BRWD1: variants seen among roughly 807,000 people sequenced by gnomAD.
The protein encoded by BRWD1 is bromodomain and WD repeat-containing protein 1.
BRWD1 carries 82 observed loss-of-function variants against 251.2 expected under a neutral mutation model. That is an observed-to-expected ratio of 0.33 (90% confidence interval 0.27 to 0.39). BRWD1 has a LOEUF of 0.39. Among genes scored for constraint, BRWD1 ranks in the 10% least tolerant of loss-of-function variants. The probability of loss-of-function intolerance (pLI) is 1.00; values close to 1 mark genes in which losing one functional copy is unlikely to be tolerated. For synonymous variants in BRWD1, 918 were observed against 902.8 expected (o/e 1.02, Z -0.30); for missense variants, 2,233 against 2,711.6 (o/e 0.82, Z 3.92).
In BRWD1 at chr21:39,218,646, C is replaced by T. The variant is rs763793311; in HGVS notation, c.3397G>A (p.Glu1133Lys). ...GTGACAGAAATACTAGCTCCTAATT[C>T]TTCAGGTGGATCAACTATGAATACC... ...PIPDNVDPPE[E>K]LGASISVTTD... The change falls in exon 30 of 41, where the codon GAA (glutamate) becomes AAA (lysine). Residue 1133 changes from glutamate (E) to lysine (K), a missense_variant. Transcript: ENST00000342449. 6.2e-7 allele frequency: 1 copy of T among 1,600,004 alleles called. No homozygotes were observed. Among genetic ancestry groups the T allele is most frequent in the South Asian group, 1.1e-5 (1 of 87,630 alleles).
chr21:39,214,131 T>A (rs2032784400), intron 32 of BRWD1, among the ~76,000 whole-genome samples: 1 of 151,948 alleles, frequency 6.6e-6, no homozygotes, highest in African/African-American at 2.4e-5. Context: ...TAGGACAGAA[T>A]CAAACCAAGA....
intron 37 of BRWD1, among the ~76,000 whole-genome samples, chr21:39,204,564 A>G (rs1004461016): frequency 2.6e-5 from 4 of 152,224 alleles, no homozygotes; most frequent in African/African-American, 9.6e-5. Flanking sequence ...GGTACATTGT[A>G]TCAAGGGTAC....
chr21:39,215,448 T>C (rs2032848249), intron 31 of BRWD1, 86 bp from the exon 32 acceptor site: 9 of 1,157,380 alleles, frequency 7.8e-6, no homozygotes, highest in African/African-American at 3.1e-5. Flanking sequence ...ATTAAACAAC[T>C]GTGAAATAAT....
At chr21:39,252,544 G>T (rs2034430683) in intron 19 of BRWD1, among the ~76,000 whole-genome samples, 3 of 152,082 alleles carry the variant, frequency 2.0e-5, no homozygotes, top group Admixed American at 2.0e-4. Context: ...TTCCACTATT[G>T]GAACTGTTGT....
At chr21:39,247,391 T>A (rs1272234793) in intron 21 of BRWD1, among the ~76,000 whole-genome samples, 1 of 152,188 alleles carries the variant, frequency 6.6e-6, no homozygotes, top group Non-Finnish European at 1.5e-5. Flanking sequence ...GCATGCCAAA[T>A]CCAAAAATCC....
chr21:39,250,207 T>C (rs1041438818), intron 20 of BRWD1, among the ~76,000 whole-genome samples: 3 of 152,078 alleles, frequency 2.0e-5, no homozygotes, highest in African/African-American at 7.2e-5. Context: ...GGCCCATTCT[T>C]GTTCGGATAA....
Position 39,194,618 on chromosome 21 carries a change from T to C in BRWD1, c.*1641A>G. ...CCCATGCATCAGAGTAGAAAGAAAA[T>C]GTACCTTCTACTATGTCAAATGGAA... On this transcript the variant is annotated 3_prime_UTR_variant, in exon 41 of 41. Coordinates refer to ENST00000342449, the MANE Select transcript of BRWD1 (RefSeq NM_033656.4). 6.6e-7 allele frequency: 1 copy of C among 1,518,000 alleles called. No homozygotes were observed. The allele number at this position is 1,518,000 out of a possible 1,614,324, so 94.0% of individuals were successfully genotyped here.
Position 39,191,023 on chromosome 21 carries a change from T to TA in BRWD1, c.*5235dup. On this transcript the variant is annotated 3_prime_UTR_variant, in exon 41 of 41. Transcript: ENST00000342449. Reference sequence around the variant, plus strand: ...ATTGCAATTTTTAATAAAAATCTCATAAAAGCCTTATTTTGAAATATGAAT... The same window carrying TA: ...ATTGCAATTTTTAATAAAAATCTCATAAAAAGCCTTATTTTGAAATATGAAT... 1.0e-6 allele frequency: 1 copy of TA among 985,276 alleles called. No individual in the cohort carries two copies. The highest frequency in any genetic ancestry group is 1.2e-6 in the Non-Finnish European group (1 of 829,806). 61.0% of individuals were successfully genotyped at this position (985,276 alleles called of 1,614,324 possible).
At chr21:39,309,754 G>A (rs112067794) in intron 4 of BRWD1, among the ~76,000 whole-genome samples, 2,913 of 151,224 alleles carry the variant, frequency 0.019, 52 homozygotes, top group Non-Finnish European at 0.03. Flanking sequence ...GAATCCGGGA[G>A]GCGGAGCTTG....
At chr21:39,260,291 T>A (rs921408556) in intron 17 of BRWD1, among the ~76,000 whole-genome samples, 1 of 151,276 alleles carries the variant, frequency 6.6e-6, no homozygotes, top group African/African-American at 2.4e-5. Context: ...CCTAAGGCTA[T>A]ATAACTTTTC....
Position 39,198,985 on chromosome 21 carries a change from T to G in BRWD1, c.5431A>C (p.Ser1811Arg). ...RKYNTFHKNASFFKKTKILSD... is the reference protein window; with the variant it reads ...RKYNTFHKNARFFKKTKILSD... The stretch of plus-strand genomic sequence containing the variant: ...AGAATCTTGGTTTTTTTAAAGAAAC[T>G]CGCATTCTTGTGAAATGTATTGTAT... Residue 1811 changes from serine to arginine, a missense_variant, in exon 40 of 41, where the codon AGT becomes CGT. Ser to Arg is a moderately radical substitution (Grantham distance 110, BLOSUM62 -1). Coordinates refer to ENST00000342449, the MANE Select transcript of BRWD1 (RefSeq NM_033656.4). 1.2e-6 allele frequency: 2 copies of G among 1,614,092 alleles called. No homozygotes were observed. Among genetic ancestry groups the G allele is most frequent in the Non-Finnish European group, 1.7e-6 (2 of 1,180,014 alleles).
At chr21:39,239,309 G>T (rs750535538) in intron 21 of BRWD1, among the ~76,000 whole-genome samples, 3 of 151,900 alleles carry the variant, frequency 2.0e-5, no homozygotes, top group African/African-American at 4.8e-5. Context: ...AAGTTTTATG[G>T]TTTTTTTGTT....
rs568147178 is a variant in BRWD1 at position 39,278,022 on chromosome 21, G to GT, written c.1004-672dup. ...ACCATGCCCAGATAATTTTTGTTTT[G>GT]TTTTTTTTTAGAGATGGGTTCTCCC... is the stretch of plus-strand genomic sequence containing the variant. On this transcript the variant is annotated intron_variant, in intron 10 of 40. Transcript: ENST00000342449. 8.0e-3 allele frequency among the ~76,000 whole-genome samples: 1,207 copies of GT among 150,508 alleles called. 13 individuals carry two copies. Among genetic ancestry groups the GT allele is most frequent in the Middle Eastern group, 0.017 (5 of 294 alleles).
rs1288820439 is a variant in BRWD1, at chr21:39,280,202, C to G, written c.878G>C (p.Gly293Ala). 1 of 1,609,030 alleles carries G rather than the reference C, an allele frequency of 6.2e-7. No individual in the cohort carries two copies. Among genetic ancestry groups the G allele is most frequent in the South Asian group, 1.1e-5 (1 of 89,738 alleles). ...CCAAAAGCAAACTGTCCCATCAGCA[C>G]CAGTGGAAACCATGTATCTTTGAGA... Reference protein sequence around the residue: ...KGSQRYMVSTGADGTVCFWQW... With the variant: ...KGSQRYMVSTAADGTVCFWQW... The change falls in exon 9 of 41, where the codon GGT (glycine) becomes GCT (alanine). Residue 293 changes from glycine (G) to alanine (A), a missense_variant. Gly to Ala is a moderately conservative substitution (Grantham distance 60). Around this residue, in one of 12 missense-constraint regions of BRWD1, gnomAD observed 2 missense variants for 19.3 expected, o/e 0.10. Coordinates refer to ENST00000342449, the MANE Select transcript of BRWD1 (RefSeq NM_033656.4).
rs150325185 is a variant in BRWD1 at position 39,247,791 on chromosome 21, T to G, written c.2391A>C (p.Thr797=). Residue 797 remains threonine (T), a synonymous_variant, in exon 21 of 41, where the codon ACA becomes ACC. Coordinates refer to ENST00000342449, the MANE Select transcript of BRWD1 (RefSeq NM_033656.4). The stretch of plus-strand genomic sequence containing the variant: ...CATAATTTGGATATTTACGCCTACA[T>G]GTCCTTTGTCTAGACTGTGATACCA... ...VVLVSQSRQR[T]CRRKYPNYGR... 5.6e-6 allele frequency: 9 copies of G among 1,613,454 alleles called. No homozygotes were observed. The East Asian group carries it at 1.3e-4, about 24-fold the overall frequency.
intron 34 of BRWD1, among the ~76,000 whole-genome samples, chr21:39,211,881 G>C (rs891728845): frequency 1.3e-5 from 2 of 152,086 alleles, no homozygotes; most frequent in East Asian, 1.9e-4. Flanking sequence ...AAAATGATCT[G>C]GGCTAAAATG....
intron 25 of BRWD1, among the ~76,000 whole-genome samples, chr21:39,230,109 G>A (rs1354940112): frequency 6.6e-6 from 1 of 152,162 alleles, no homozygotes; most frequent in Non-Finnish European, 1.5e-5. Flanking sequence ...TTATTCATAA[G>A]TGTTCTTCAA....
In BRWD1 at chr21:39,276,218, AGGG is replaced by A; in HGVS notation, c.1105-8_1105-6del. ...TTGGATACTATCTACTTTATCCTAA[AGGG>A]GGGAAAAGGACAAATACAAAAATGA... is the stretch of plus-strand genomic sequence containing the variant. On this transcript the variant is annotated splice_polypyrimidine_tract_variant and splice_region_variant and intron_variant, in intron 11 of 40. Coordinates refer to ENST00000342449, the MANE Select transcript of BRWD1 (RefSeq NM_033656.4). 6.3e-7 allele frequency: 1 copy of A among 1,594,180 alleles called. No individual in the cohort carries two copies. The highest frequency in any genetic ancestry group is 8.6e-7 in the Non-Finnish European group (1 of 1,167,172).
At chr21:39,249,920 G>T (rs2034337027) in intron 20 of BRWD1, among the ~76,000 whole-genome samples, 1 of 24,094 alleles carries the variant, frequency 4.2e-5, no homozygotes, top group African/African-American at 9.6e-5. Context: ...AGGGGGGTGT[G>T]TGTGTGTGTG....
Sources: allele counts gnomAD v4.1 joint callset (sites outside exome capture counted in the v4.1 genomes callset), GRCh38; gene constraint gnomAD v4.1.1; regional missense constraint gnomAD v4.1.1; transcripts MANE v1.5; gene names NCBI Gene and HGNC (gene_info 2026-07-23, HGNC 2026-07-21).